WNK2: variants seen among roughly 807,000 people sequenced by gnomAD.
WNK2 encodes the protein WNK lysine deficient protein kinase 2.
WNK2 carries 67 observed loss-of-function variants against 192.1 expected under a neutral mutation model. The ratio of observed to expected loss-of-function variants is 0.35; its 90% CI spans 0.29 to 0.43. The LOEUF is 0.43. Ranked by LOEUF, WNK2 falls within the 20% of genes least tolerant of loss-of-function variation. The pLI is 1.00. For missense variants in WNK2, 2,698 were observed against 3,089.7 expected, an observed-to-expected ratio of 0.87 and a Z score of 3.01; for synonymous variants, 1,439 against 1,393.9, an observed-to-expected ratio of 1.03 and a Z score of -0.72.
chr9:93,267,913 G>A lies in WNK2; in HGVS notation c.3864G>A (p.Gly1288=). ...TCAGCACCTGCGGCCTGGGCACCGG[G>A]GAGGTGAGGTTGTGAAATCCGGGGT... ...PHLSTCGLGT[G]EESRQSQANA... The change falls in exon 17 of 30, where the codon GGG becomes GGA. Residue 1288 remains glycine (G), a synonymous_variant. Coordinates refer to ENST00000427277, the MANE Select transcript of WNK2 (RefSeq NM_006648.4). The A allele has an allele frequency of 6.2e-7, 1 of 1,612,198 alleles. No homozygotes were observed. Among genetic ancestry groups the A allele is most frequent in the Non-Finnish European group, 8.5e-7 (1 of 1,179,228 alleles).
At chr9:93,214,114 G>A (rs550950128) in intron 2 of WNK2, among the ~76,000 whole-genome samples, 34 of 152,072 alleles carry the variant, frequency 2.2e-4, no homozygotes, top group African/African-American at 7.2e-4. Context: ...GTTTCCAAAC[G>A]TCTCACAGCA....
chr9:93,195,875 C>T (rs1039907600), intron 2 of WNK2, among the ~76,000 whole-genome samples: 1 of 152,076 alleles, frequency 6.6e-6, no homozygotes, highest in Non-Finnish European at 1.5e-5. Flanking sequence ...TAGAATCTGT[C>T]TCTGGAGTGT....
chr9:93,310,464 T>A lies in WNK2; in HGVS notation c.6516+1880T>A, dbSNP rs540661624. ...TGGCAAAAAAATATATATATATATATAAAACACAAAATTTACAATTTTACA... is the reference window on the plus strand; with the variant it reads ...TGGCAAAAAAATATATATATATATAAAAAACACAAAATTTACAATTTTACA... On this transcript the variant is annotated intron_variant, in intron 28 of 29. Transcript: ENST00000427277. 1.8e-4 allele frequency among the ~76,000 whole-genome samples: 28 copies of A among 152,104 alleles called. No homozygotes were observed. The East Asian group carries it at 2.3e-3, about 13-fold the overall frequency.
At chr9:93,184,655 G>A (rs1828936700) in intron 1 of WNK2, among the ~76,000 whole-genome samples, 1 of 152,020 alleles carries the variant, frequency 6.6e-6, no homozygotes, top group Non-Finnish European at 1.5e-5. Flanking sequence ...CACCCTAGCA[G>A]GTCCTCTCTC....
intron 4 of WNK2, among the ~76,000 whole-genome samples, chr9:93,234,446 G>C (rs1239736728): frequency 6.6e-6 from 1 of 152,228 alleles, no homozygotes; most frequent in African/African-American, 2.4e-5. Flanking sequence ...GGCCGAGCCT[G>C]TGGCAGGATC....
At chr9:93,317,917 C>T (rs1036492980) in intron 29 of WNK2, 11 of 1,599,172 alleles carry the variant, frequency 6.9e-6, no homozygotes, top group Admixed American at 3.4e-5. Context: ...GTGGTTTGGC[C>T]TCCGAGTCCC....
intron 29 of WNK2, chr9:93,318,175 GA>G: frequency 1.3e-6 from 2 of 1,496,370 alleles, no homozygotes; most frequent in East Asian, 2.3e-5. Flanking sequence ...AAAATTATCG[GA>G]AAAGGTTTCA....
At chr9:93,202,867 C>T (rs188597083) in intron 2 of WNK2, among the ~76,000 whole-genome samples, 162 of 152,244 alleles carry the variant, frequency 1.1e-3, no homozygotes, top group African/African-American at 3.7e-3. Flanking sequence ...CTTGGAAGGG[C>T]TAGGCTGCCT....
chr9:93,272,655 T>G (rs1588349897), intron 19 of WNK2, among the ~76,000 whole-genome samples: 2 of 145,320 alleles, frequency 1.4e-5, no homozygotes, highest in East Asian at 2.1e-4. Flanking sequence ...GGAGAATCAC[T>G]TGAACCCGAG....
chr9:93,208,368 A>C (rs552907833), intron 2 of WNK2, among the ~76,000 whole-genome samples: 1 of 152,236 alleles, frequency 6.6e-6, no homozygotes, highest in Non-Finnish European at 1.5e-5. Flanking sequence ...CCTTGTCGCC[A>C]AGGCTGAAAG....
chr9:93,263,754 CG>C lies in WNK2; in HGVS notation c.3579+25del. On this transcript the variant is annotated intron_variant, in intron 15 of 29. Transcript: ENST00000427277. ...TTGAACGTGAGTGGGCGGGGCGTGG[CG>C]GGGGTGTGGTGGGGGTGGGGGCATG... 4.1e-6 allele frequency: 3 copies of C among 740,174 alleles called. No homozygotes were observed. Among genetic ancestry groups the C allele is most frequent in the South Asian group, 1.8e-5 (1 of 56,880 alleles). The allele number at this position is 740,174 out of a possible 1,614,324, so 45.9% of individuals were successfully genotyped here. A position where few individuals can be genotyped will look rare whatever the true frequency, so the allele number is the denominator to read the frequency against.
intron 7 of WNK2, among the ~76,000 whole-genome samples, chr9:93,240,888 G>A (rs1452092774): frequency 6.6e-6 from 1 of 152,222 alleles, no homozygotes; most frequent in East Asian, 1.9e-4. Context: ...CATTTCAAGT[G>A]CTCTGTGCCA....
Position 93,257,672 on chromosome 9 carries a change from G to T in WNK2, c.2382+533G>T, listed in dbSNP as rs764066210. ...TGCCTCAGAGGAGCGTTCTTCCTGT[G>T]GAGCTCCTCCAGGGCCGTGTGGCAT... On this transcript the variant is annotated intron_variant, in intron 11 of 29. Transcript: ENST00000427277. This position sits in a 1 kb window ranked among gnomAD's most constrained non-coding sequence, Gnocchi z 4.7. Among the ~76,000 whole-genome samples the T allele has an allele frequency of 5.3e-5, 8 of 152,242 alleles. No individual in the cohort carries two copies. The highest frequency in any genetic ancestry group is 8.8e-5 in the Non-Finnish European group (6 of 68,046).
chr9:93,208,174 A>T (rs901343872), intron 2 of WNK2, among the ~76,000 whole-genome samples: 2 of 152,206 alleles, frequency 1.3e-5, no homozygotes, highest in Admixed American at 6.5e-5. Context: ...CCCAGGTCCA[A>T]ATTACTGGCT....
rs985503841 is a variant in WNK2 at position 93,256,448 on chromosome 9, C to T, written c.2184C>T (p.Gly728=). The T allele has an allele frequency of 1.3e-6, 2 of 1,525,858 alleles. No homozygotes were observed. Among genetic ancestry groups the T allele is most frequent in the African/African-American group, 1.4e-5 (1 of 72,646 alleles). The allele number at this position is 1,525,858 out of a possible 1,614,324, so 94.5% of individuals were successfully genotyped here. ...PTGPGQPAPP[G]QQPPPLAQPT... is the part of the protein sequence containing the mutation. ...GCCCAGGCCAGCCAGCACCCCCCGGCCAGCAGGTGAGTGTGGCACCTCCTG... is the reference window on the plus strand; with the variant it reads ...GCCCAGGCCAGCCAGCACCCCCCGGTCAGCAGGTGAGTGTGGCACCTCCTG... Residue 728 remains glycine (G), a synonymous_variant, in exon 10 of 30, where the codon GGC becomes GGT. Transcript: ENST00000427277.
chr9:93,280,438 C>T (rs1377775942), intron 19 of WNK2, among the ~76,000 whole-genome samples: 1 of 152,202 alleles, frequency 6.6e-6, no homozygotes, highest in Non-Finnish European at 1.5e-5. Context: ...CTTTGGAAAA[C>T]AGTTTGTTAA....
intron 5 of WNK2, among the ~76,000 whole-genome samples, chr9:93,236,310 C>G (rs1839806785): frequency 6.6e-6 from 1 of 152,156 alleles, no homozygotes; most frequent in South Asian, 2.1e-4. Flanking sequence ...GTGTACACTA[C>G]TGGGCAGAGC....
At position 93,247,105 on chromosome 9, in the gene WNK2, G is replaced by A. The variant is rs886161553; in HGVS notation, c.1543-438G>A. Among the ~76,000 whole-genome samples the A allele has an allele frequency of 7.9e-5, 12 of 152,182 alleles. No individual in the cohort carries two copies. The highest frequency in any genetic ancestry group is 4.1e-4 in the South Asian group (2 of 4,828). ...CATGTCCTTCCTCCATCTGCAACTC[G>A]GGTGTGGCCCCGTTCCCCATCTTTG... On this transcript the variant is annotated intron_variant, in intron 7 of 29. Coordinates refer to ENST00000427277, the MANE Select transcript of WNK2 (RefSeq NM_006648.4). The surrounding 1 kb of genome is among the most constrained non-coding windows in gnomAD (Gnocchi z 5.2).
intron 9 of WNK2, 148 bp downstream of exon 9, chr9:93,253,230 A>G (rs1274484252): frequency 2.9e-6 from 2 of 692,780 alleles, no homozygotes; most frequent in Admixed American, 4.3e-5. Context: ...GTCCAGCCAC[A>G]CTTCCCCTGG....
Sources: gnomAD v4.1 joint callset for allele counts (sites outside exome capture counted in the v4.1 genomes callset) on GRCh38, gnomAD v4.1.1 for gene constraint, Gnocchi (gnomAD v3.1) non-coding constraint, MANE v1.5 for transcripts, NCBI Gene and HGNC (gene_info 2026-07-23, HGNC 2026-07-21) for gene names.